The following NEGR1 variants were observed in gnomAD, a reference collection of about 807,000 sequenced individuals.
NEGR1 encodes the protein neuronal growth regulator 1.
In NEGR1, 10 loss-of-function variants were observed where a neutral mutation model predicts 40.9. The observed-to-expected ratio is 0.24, with a 90% CI of 0.15 to 0.42. The LOEUF is 0.42. Among genes scored for constraint, NEGR1 ranks in the 10% least tolerant of loss-of-function variants. NEGR1 has a pLI of 1.00. For synonymous variants in NEGR1, 185 were observed against 166.8 expected, an observed-to-expected ratio of 1.11 and a Z score of -0.84; for missense variants, 352 against 438.9, an observed-to-expected ratio of 0.80 and a Z score of 1.77.
At chr1:72,087,569 T>C (rs939029736) in intron 1 of NEGR1, among the ~76,000 whole-genome samples, 3 of 151,756 alleles carry the variant, frequency 2.0e-5, no homozygotes, top group Non-Finnish European at 2.9e-5. Flanking sequence ...GAAACAACAG[T>C]ATAACTCTAT....
At chr1:72,083,552 TA>T (rs1040130913) in intron 1 of NEGR1, among the ~76,000 whole-genome samples, 1 of 152,032 alleles carries the variant, frequency 6.6e-6, no homozygotes, top group African/African-American at 2.4e-5. Context: ...AAAATAAATG[TA>T]AAAACTAGAT....
chr1:71,760,040 T>C (rs1287265471), intron 3 of NEGR1, among the ~76,000 whole-genome samples: 1 of 152,140 alleles, frequency 6.6e-6, no homozygotes, highest in African/African-American at 2.4e-5. Flanking sequence ...ATTCACAAAA[T>C]GTGGACAGCC....
chr1:71,527,634 T>G (rs933833983), intron 6 of NEGR1, among the ~76,000 whole-genome samples: 15 of 151,538 alleles, frequency 9.9e-5, no homozygotes, highest in Middle Eastern at 3.2e-3. Context: ...TGAGATTCCT[T>G]TTATGTTCTA....
At chr1:72,044,330 TAAAA>T (rs534733009) in intron 1 of NEGR1, among the ~76,000 whole-genome samples, 1 of 131,602 alleles carries the variant, frequency 7.6e-6, no homozygotes, top group Non-Finnish European at 1.6e-5. Context: ...AGGTCTAAGT[TAAAA>T]AAAAAAAAAA....
chr1:71,829,857 T>G (rs1206938970), intron 2 of NEGR1, among the ~76,000 whole-genome samples: 1 of 151,972 alleles, frequency 6.6e-6, no homozygotes, highest in Non-Finnish European at 1.5e-5. Flanking sequence ...GCCAGGGAAC[T>G]GTTAGGCACA....
At chr1:72,104,115 A>G (rs1261826913) in intron 1 of NEGR1, among the ~76,000 whole-genome samples, 2 of 151,978 alleles carry the variant, frequency 1.3e-5, no homozygotes, top group African/African-American at 4.8e-5. Flanking sequence ...TAAAGTTTTG[A>G]GTGCAGAATG....
intron 3 of NEGR1, among the ~76,000 whole-genome samples, chr1:71,723,748 G>A (rs1036823066): frequency 6.6e-6 from 1 of 152,130 alleles, no homozygotes; most frequent in African/African-American, 2.4e-5. Context: ...TACAGAACCA[G>A]AGAGGGGGAA....
chr1:71,512,584 AT>A lies in NEGR1; in HGVS notation c.940+80232del, dbSNP rs555856096. 5.6e-3 allele frequency among the ~76,000 whole-genome samples: 791 copies of A among 141,626 alleles called. 3 individuals carry two copies. The highest frequency in any genetic ancestry group is 0.015 in the Middle Eastern group (4 of 274). 92.9% of individuals were successfully genotyped at this position (141,626 alleles called of 152,430 possible). ...GAAAAAAAAGCATAAATACTAATCG[AT>A]TTTTTTTTTTTTTTTGAGAGTGAGT... On this transcript the variant is annotated intron_variant, in intron 6 of 6. Transcript: ENST00000357731.
intron 2 of NEGR1, among the ~76,000 whole-genome samples, chr1:71,789,249 A>C (rs1657026735): frequency 6.6e-6 from 1 of 152,146 alleles, no homozygotes; most frequent in Non-Finnish European, 1.5e-5. Flanking sequence ...AGACATAAAC[A>C]AATGTCTCTT....
In NEGR1 at chr1:72,232,235, T is replaced by C; in HGVS notation, c.176+50084A>G. 1.3e-5 allele frequency among the ~76,000 whole-genome samples: 2 copies of C among 151,976 alleles called. 1 individual carries two copies. Among genetic ancestry groups the C allele is most frequent in the East Asian group, 3.9e-4 (2 of 5,158 alleles). On this transcript the variant is annotated intron_variant, in intron 1 of 6. Coordinates refer to ENST00000357731, the MANE Select transcript of NEGR1 (RefSeq NM_173808.3). ...ATCTGGGCGTGGTGGTGCGTGCCTGTAATCCCAGCTACTCGGAAGGCTAAG... is the reference window on the plus strand; with the variant it reads ...ATCTGGGCGTGGTGGTGCGTGCCTGCAATCCCAGCTACTCGGAAGGCTAAG...
intron 1 of NEGR1, among the ~76,000 whole-genome samples, chr1:72,048,496 A>T (rs1463515464): frequency 1.3e-5 from 2 of 151,376 alleles, no homozygotes; most frequent in Non-Finnish European, 3.0e-5. Context: ...TTCAAGTTTC[A>T]TAAATTCTTA....
chr1:72,194,365 A>C (rs34289700), intron 1 of NEGR1, among the ~76,000 whole-genome samples: 19,624 of 151,898 alleles, frequency 0.13, 1,654 homozygotes, highest in Non-Finnish European at 0.19. Context: ...GTATTATATA[A>C]ATATTTTATT....
chr1:71,590,209 A>G (rs1314408821), intron 6 of NEGR1, among the ~76,000 whole-genome samples: 4 of 152,036 alleles, frequency 2.6e-5, no homozygotes, highest in Non-Finnish European at 5.9e-5. Flanking sequence ...CTTTGTGCAC[A>G]TGATTGTTGT....
chr1:71,826,205 G>A (rs1336171956), intron 2 of NEGR1, among the ~76,000 whole-genome samples: 1 of 151,848 alleles, frequency 6.6e-6, no homozygotes, highest in East Asian at 1.9e-4. Flanking sequence ...TACATTGAAT[G>A]AACATATGCA....
chr1:72,006,588 C>A (rs769474337), intron 1 of NEGR1, among the ~76,000 whole-genome samples: 17 of 152,064 alleles, frequency 1.1e-4, no homozygotes, highest in Admixed American at 3.9e-4. Context: ...ACATTAAGCA[C>A]CCAGTAATTA....
At chr1:71,951,867 T>C (rs1646073529) in intron 1 of NEGR1, among the ~76,000 whole-genome samples, 1 of 152,070 alleles carries the variant, frequency 6.6e-6, no homozygotes, top group East Asian at 1.9e-4. Context: ...TCATTATTAT[T>C]ATATGTTTTA....
chr1:71,746,825 GA>G (rs1339537049), intron 3 of NEGR1, among the ~76,000 whole-genome samples: 1 of 151,936 alleles, frequency 6.6e-6, no homozygotes, highest in Non-Finnish European at 1.5e-5. Flanking sequence ...AGAAATGTAT[GA>G]ATGTTTTCTA....
intron 1 of NEGR1, among the ~76,000 whole-genome samples, chr1:72,143,079 C>CA (rs1313106500): frequency 2.6e-5 from 4 of 151,858 alleles, no homozygotes; most frequent in African/African-American, 4.8e-5. Flanking sequence ...AAACTCAAAA[C>CA]AAAATCTTCT....
At chr1:72,248,664 T>A (rs749557110) in intron 1 of NEGR1, among the ~76,000 whole-genome samples, 2 of 150,642 alleles carry the variant, frequency 1.3e-5, no homozygotes, top group Non-Finnish European at 3.0e-5. Context: ...AGTGGTGCAA[T>A]CTTGGCCCAC....
Sources: allele counts gnomAD v4.1 joint callset (sites outside exome capture counted in the v4.1 genomes callset), GRCh38; gene constraint gnomAD v4.1.1; transcripts MANE v1.5; gene names NCBI Gene and HGNC (gene_info 2026-07-23, HGNC 2026-07-21).